NAGLU: variants seen among roughly 807,000 people sequenced by gnomAD.
NAGLU encodes the protein N-acetyl-alpha-glucosaminidase.
A neutral mutation model predicts 43.4 loss-of-function variants in NAGLU; 34 were observed. That is an observed-to-expected ratio of 0.78 (90% CI 0.60 to 1.04). The LOEUF (loss-of-function observed/expected upper bound fraction) is 1.04, where lower values mean the gene tolerates loss of function less well. Among genes scored for constraint, NAGLU ranks in the 50% least tolerant of loss-of-function variants. The pLI is 0.00. For synonymous variants in NAGLU, 425 were observed against 437.6 expected (o/e 0.97, Z 0.36); for missense variants, 910 against 993.7 (o/e 0.92, Z 1.13).
chr17:42,542,125 C>T (rs901759163), intron 5 of NAGLU, among the ~76,000 whole-genome samples: 2 of 152,072 alleles, frequency 1.3e-5, no homozygotes, highest in Admixed American at 6.6e-5. Flanking sequence ...TGCAGTGGCA[C>T]GATCTCAGTT....
chr17:42,538,966 A>G (rs2092914852), intron 4 of NAGLU, among the ~76,000 whole-genome samples: 3 of 152,186 alleles, frequency 2.0e-5, no homozygotes, highest in South Asian at 4.1e-4. Context: ...TACTAAAAAT[A>G]TAAAAATTAG....
At position 42,544,412 on chromosome 17, in the gene NAGLU, A is replaced by G. The variant is rs896549130; in HGVS notation, c.*174A>G. 1 of 918,884 alleles carries G rather than the reference A, an allele frequency of 1.1e-6. No individual in the cohort carries two copies. The highest frequency in any genetic ancestry group is 1.7e-6 in the Non-Finnish European group (1 of 604,284). 56.9% of individuals were successfully genotyped at this position (918,884 alleles called of 1,614,324 possible). On this transcript the variant is annotated 3_prime_UTR_variant, in exon 6 of 6. Coordinates refer to ENST00000225927, the MANE Select transcript of NAGLU (RefSeq NM_000263.4). ...ATGACCTGCCCTCCACCACCACCCA[A>G]AGTGTGGGATTAAAGTACTGTTTTC...
Position 42,537,267 on chromosome 17 carries a change from G to A in NAGLU, c.384-131G>A, listed in dbSNP as rs1433335388. 2.9e-6 allele frequency: 4 copies of A among 1,390,438 alleles called. No homozygotes were observed. In the Admixed American group the frequency reaches 7.2e-5, roughly 25 times the overall value. The allele number at this position is 1,390,438 out of a possible 1,614,324, so 86.1% of individuals were successfully genotyped here. On this transcript the variant is annotated intron_variant, in intron 1 of 5. Transcript: ENST00000225927. Reference sequence around the variant, plus strand: ...CTGGTCTCAGCTCCACCTGGGGTGGGTCCCAGTGTGCAGCAGAAGGGCCGA... The same window carrying A: ...CTGGTCTCAGCTCCACCTGGGGTGGATCCCAGTGTGCAGCAGAAGGGCCGA...
intron 2 of NAGLU, 21 bp downstream of exon 2, chr17:42,537,566 C>A: frequency 6.2e-7 from 1 of 1,612,680 alleles, no homozygotes; most frequent in Non-Finnish European, 8.5e-7. Flanking sequence ...ACTGTCCCTT[C>A]CCCACCCTCC....
In NAGLU at chr17:42,543,494, A is replaced by G. The variant is rs752971320; in HGVS notation, c.1488A>G (p.Leu496=). Residue 496 remains leucine (L), a synonymous_variant, in exon 6 of 6, where the codon CTA becomes CTG. Transcript: ENST00000225927. ...CGGACGCAGGGGCAGCGTGGAGGCT[A>G]CTGCTCCGGAGTGTGTACAACTGCT... ...SHPDAGAAWR[L]LLRSVYNCSG... 3.7e-6 allele frequency: 6 copies of G among 1,602,442 alleles called. No individual in the cohort carries two copies. Among genetic ancestry groups the G allele is most frequent in the Non-Finnish European group, 5.1e-6 (6 of 1,176,804 alleles).
At position 42,544,427 on chromosome 17, in the gene NAGLU, G is replaced by C; in HGVS notation, c.*189G>C. Reference sequence around the variant, plus strand: ...CCACCACCCAAAGTGTGGGATTAAAGTACTGTTTTCTTTCCACTTAAACTG... The same window carrying C: ...CCACCACCCAAAGTGTGGGATTAAACTACTGTTTTCTTTCCACTTAAACTG... On this transcript the variant is annotated 3_prime_UTR_variant, in exon 6 of 6. Coordinates refer to ENST00000225927, the MANE Select transcript of NAGLU (RefSeq NM_000263.4). 1.2e-6 allele frequency: 1 copy of C among 835,208 alleles called. No individual in the cohort carries two copies. The highest frequency in any genetic ancestry group is 1.9e-6 in the Non-Finnish European group (1 of 538,496). The allele number at this position is 835,208 out of a possible 1,614,324, so 51.7% of individuals were successfully genotyped here.
rs115550028 is a variant in NAGLU, at chr17:42,543,473, C to T, written c.1467C>T (p.Asp489=). The T allele has an allele frequency of 2.1e-4, 330 of 1,600,274 alleles. No homozygotes were observed. The highest frequency in any genetic ancestry group is 2.6e-4 in the Non-Finnish European group (308 of 1,175,444). ...GGCGGTATGGGGTCTCCCACCCGGA[C>T]GCAGGGGCAGCGTGGAGGCTACTGC... ...AARRYGVSHP[D]AGAAWRLLLR... is the part of the protein sequence containing the mutation. Residue 489 remains aspartate (D), a synonymous_variant, in exon 6 of 6, where the codon GAC becomes GAT. Transcript: ENST00000225927.
Position 42,543,657 on chromosome 17 carries a change from G to A in NAGLU, c.1651G>A (p.Ala551Thr), listed in dbSNP as rs965687919. ...RLLLTSAPSL[A>T]TSPAFRYDLL... is the part of the protein sequence containing the mutation. ...GCTGCTCACATCTGCTCCCTCCCTG[G>A]CCACCAGCCCCGCCTTCCGCTACGA... Residue 551 changes from alanine (A) to threonine (T), a missense_variant, in exon 6 of 6, where the codon GCC (alanine) becomes ACC (threonine). Transcript: ENST00000225927. The A allele has an allele frequency of 6.2e-7, 1 of 1,612,958 alleles. No individual in the cohort carries two copies. Among genetic ancestry groups the A allele is most frequent in the Non-Finnish European group, 8.5e-7 (1 of 1,180,006 alleles).
intron 4 of NAGLU, among the ~76,000 whole-genome samples, chr17:42,540,695 CAAAAAA>C (rs369880072): frequency 3.4e-5 from 2 of 58,466 alleles, no homozygotes; most frequent in Non-Finnish European, 7.1e-5. Flanking sequence ...GACTCTGCCT[CAAAAAA>C]AAAAAAAAAA....
In NAGLU at chr17:42,543,341, C is replaced by T. The variant is rs202033889; in HGVS notation, c.1335C>T (p.Pro445=). 2.4e-5 allele frequency: 39 copies of T among 1,613,194 alleles called. No homozygotes were observed. In the Middle Eastern group the frequency reaches 4.9e-4, roughly 20 times the overall value. ...NSTMVGTGMA[P]EGISQNEVVY... The stretch of plus-strand genomic sequence containing the variant: ...CCATGGTAGGCACGGGCATGGCCCC[C>T]GAGGGCATCAGCCAGAACGAAGTGG... The change falls in exon 6 of 6, where the codon CCC becomes CCT. Residue 445 remains proline (P), a synonymous_variant. Transcript: ENST00000225927.
chr17:42,540,810 G>A lies in NAGLU; in HGVS notation c.765-140G>A. 6.5e-6 allele frequency: 8 copies of A among 1,232,984 alleles called. No homozygotes were observed. In the South Asian group the frequency reaches 9.7e-5, roughly 15 times the overall value. 76.4% of individuals were successfully genotyped at this position (1,232,984 alleles called of 1,614,324 possible). ...GGCCAGGGAAGGAGAAGAAAGGACT[G>A]TAGGCAGAGAGCATAGCCTGTACAA... On this transcript the variant is annotated intron_variant, in intron 4 of 5. Transcript: ENST00000225927.
chr17:42,536,625 C>T lies in NAGLU; in HGVS notation c.353C>T (p.Pro118Leu), dbSNP rs530062090. The T allele has an allele frequency of 1.1e-4, 166 of 1,498,934 alleles. 1 individual carries two copies. In the African/African-American group the frequency reaches 1.2e-3, roughly 11 times the overall value. 92.9% of individuals were successfully genotyped at this position (1,498,934 alleles called of 1,614,324 possible). ...LRLPRPLPAVPGELTEATPNR... is the reference protein window; with the variant it reads ...LRLPRPLPAVLGELTEATPNR... ...CTGCCGCGGCCACTGCCAGCCGTGCCGGGGGAGCTGACCGAGGCCACGCCC... is the reference window on the plus strand; with the variant it reads ...CTGCCGCGGCCACTGCCAGCCGTGCTGGGGGAGCTGACCGAGGCCACGCCC... The change falls in exon 1 of 6, where the codon CCG becomes CTG. Residue 118 changes from proline (P) to leucine (L), a missense_variant. Physicochemically the swap from Pro to Leu is moderately conservative, Grantham distance 98. Transcript: ENST00000225927.
Position 42,543,208 on chromosome 17 carries a change from CCTT to C in NAGLU, c.1204_1206del (p.Phe402del). ...CGCACTGCCTCCTTCCAGGGCCAGC[CCTT>C]CATCTGGTGCATGCTGCACAACTTT... On this transcript the variant is annotated inframe_deletion, in exon 6 of 6. Coordinates refer to ENST00000225927, the MANE Select transcript of NAGLU (RefSeq NM_000263.4). The C allele has an allele frequency of 6.2e-7, 1 of 1,614,250 alleles. No individual in the cohort carries two copies. The highest frequency in any genetic ancestry group is 1.3e-5 in the African/African-American group (1 of 75,068).
In NAGLU at chr17:42,536,501, G is replaced by A; in HGVS notation, c.229G>A (p.Val77Met). ...CGGCGGCGGCGCGGCGCGCGTGCGG[G>A]TGCGCGGCTCCACGGGCGTGGCGGC... is the stretch of plus-strand genomic sequence containing the variant. ...LGGGGAARVR[V>M]RGSTGVAAAA... Residue 77 changes from valine to methionine, a missense_variant, in exon 1 of 6, where the codon GTG becomes ATG. Coordinates refer to ENST00000225927, the MANE Select transcript of NAGLU (RefSeq NM_000263.4). 1.6e-6 allele frequency: 2 copies of A among 1,240,542 alleles called. No individual in the cohort carries two copies. The highest frequency in any genetic ancestry group is 3.4e-5 in the South Asian group (1 of 29,324). 76.8% of individuals were successfully genotyped at this position (1,240,542 alleles called of 1,614,324 possible).
intron 5 of NAGLU, among the ~76,000 whole-genome samples, chr17:42,542,090 T>C (rs1021043618): frequency 1.3e-5 from 2 of 151,046 alleles, no homozygotes; most frequent in East Asian, 1.9e-4. Flanking sequence ...TGAGATAGAG[T>C]CTCGCTCTGT....
Position 42,536,402 on chromosome 17 carries a change from C to A in NAGLU, c.130C>A (p.Pro44Thr). Residue 44 changes from proline (P) to threonine (T), a missense_variant, in exon 1 of 6, where the codon CCC (proline) becomes ACC (threonine). Pro to Thr is a conservative substitution (Grantham distance 38, BLOSUM62 -1). Coordinates refer to ENST00000225927, the MANE Select transcript of NAGLU (RefSeq NM_000263.4). The stretch of plus-strand genomic sequence containing the variant: ...CGTGGCCCGGCTGCTGGGGCCAGGC[C>A]CCGCGGCCGACTTCTCCGTGTCGGT... ...ALVARLLGPGPAADFSVSVER... is the reference protein window; with the variant it reads ...ALVARLLGPGTAADFSVSVER... 3 of 1,235,622 alleles carry A rather than the reference C, an allele frequency of 2.4e-6. No individual in the cohort carries two copies. Among genetic ancestry groups the A allele is most frequent in the Non-Finnish European group, 2.0e-6 (2 of 980,086 alleles). 76.5% of individuals were successfully genotyped at this position (1,235,622 alleles called of 1,614,324 possible). A position where few individuals can be genotyped will look rare whatever the true frequency, so the allele number is the denominator to read the frequency against.
Position 42,537,418 on chromosome 17 carries a change from T to TG in NAGLU, c.405dup (p.Cys136ValfsTer56). Reference sequence around the variant, plus strand: ...CGCAGGTACCGCTATTACCAGAATGTGTGCACGCAAAGCTACTCTTTCGTG... The same window carrying TG: ...CGCAGGTACCGCTATTACCAGAATGTGGTGCACGCAAAGCTACTCTTTCGTG... On this transcript the variant is annotated frameshift_variant, in exon 2 of 6. Transcript: ENST00000225927. LOFTEE classifies it high-confidence loss of function. The TG allele has an allele frequency of 2.5e-6, 4 of 1,614,206 alleles. No homozygotes were observed. The highest frequency in any genetic ancestry group is 3.4e-6 in the Non-Finnish European group (4 of 1,180,012).
In NAGLU at chr17:42,544,423, T is replaced by A. The variant is rs1452379462; in HGVS notation, c.*185T>A. 54 of 846,096 alleles carry A rather than the reference T, an allele frequency of 6.4e-5. No homozygotes were observed. The highest frequency in any genetic ancestry group is 6.4e-5 in the Non-Finnish European group (35 of 546,516). The allele number at this position is 846,096 out of a possible 1,614,324, so 52.4% of individuals were successfully genotyped here. ...TCCACCACCACCCAAAGTGTGGGAT[T>A]AAAGTACTGTTTTCTTTCCACTTAA... On this transcript the variant is annotated 3_prime_UTR_variant, in exon 6 of 6. Transcript: ENST00000225927.
In NAGLU at chr17:42,537,424, C is replaced by G; in HGVS notation, c.410C>G (p.Thr137Arg). The change falls in exon 2 of 6, where the codon ACG becomes AGG. Residue 137 changes from threonine (T) to arginine (R), a missense_variant. Thr to Arg is a moderately conservative substitution (Grantham distance 71, BLOSUM62 -1). Transcript: ENST00000225927. ...NRYRYYQNVC[T>R]QSYSFVWWDW... The stretch of plus-strand genomic sequence containing the variant: ...TACCGCTATTACCAGAATGTGTGCA[C>G]GCAAAGCTACTCTTTCGTGTGGTGG... The G allele has an allele frequency of 6.2e-7, 1 of 1,614,172 alleles. No homozygotes were observed. The highest frequency in any genetic ancestry group is 1.7e-5 in the Admixed American group (1 of 60,032).
Sources: allele counts gnomAD v4.1 joint callset (sites outside exome capture counted in the v4.1 genomes callset), GRCh38; gene constraint gnomAD v4.1.1; transcripts MANE v1.5; gene names NCBI Gene and HGNC (gene_info 2026-07-23, HGNC 2026-07-21).